The following PRICKLE2 variants were observed in gnomAD, a reference collection of about 807,000 sequenced individuals.
PRICKLE2 encodes prickle-like protein 2.
Under a neutral mutation model 81.4 loss-of-function variants are expected in PRICKLE2, and 21 were observed. The ratio of observed to expected loss-of-function variants is 0.26; its 90% confidence interval spans 0.18 to 0.37. The LOEUF (loss-of-function observed/expected upper bound fraction) is 0.37. Among genes scored for constraint, PRICKLE2 ranks in the 10% least tolerant of loss-of-function variants. PRICKLE2 has a pLI of 1.00. For synonymous variants in PRICKLE2, 456 were observed against 421.5 expected (o/e 1.08, Z -1.00); for missense variants, 940 against 1,109.0 (o/e 0.85, Z 2.16).
At chr3:64,264,001 C>T (rs1425348977) in intron 2 of PRICKLE2, among the ~76,000 whole-genome samples, 1 of 152,122 alleles carries the variant, frequency 6.6e-6, no homozygotes, top group Non-Finnish European at 1.5e-5. Flanking sequence ...GGCGGCAGGG[C>T]AGTGGGAAGG....
intron 1 of PRICKLE2, among the ~76,000 whole-genome samples, chr3:64,209,949 A>G (rs2078758565): frequency 6.6e-6 from 1 of 152,174 alleles, no homozygotes; most frequent in Admixed American, 6.5e-5. Flanking sequence ...TCAGAGTACG[A>G]GTTTTCCCGG....
chr3:64,180,664 C>T (rs1047848383), intron 2 of PRICKLE2, among the ~76,000 whole-genome samples: 1 of 152,132 alleles, frequency 6.6e-6, no homozygotes, highest in Non-Finnish European at 1.5e-5. Flanking sequence ...TCCTGAGTAG[C>T]TGGGATTACA....
At chr3:64,264,539 T>C (rs2079668801) in intron 2 of PRICKLE2, among the ~76,000 whole-genome samples, 1 of 152,206 alleles carries the variant, frequency 6.6e-6, no homozygotes, top group African/African-American at 2.4e-5. Flanking sequence ...ATTTATAATA[T>C]GGCAAGATGA....
intron 2 of PRICKLE2, among the ~76,000 whole-genome samples, chr3:64,233,916 TA>T (rs2079142306): frequency 6.6e-6 from 1 of 152,208 alleles, no homozygotes; most frequent in African/African-American, 2.4e-5. Context: ...CATTTTATAT[TA>T]GTGAAAACAT....
intron 2 of PRICKLE2, among the ~76,000 whole-genome samples, chr3:64,170,547 T>C (rs2077911103): frequency 6.6e-6 from 1 of 151,958 alleles, no homozygotes; most frequent in African/African-American, 2.4e-5. Context: ...TAAACCAGGG[T>C]GTGTCACTGC....
At chr3:64,239,877 G>A (rs948244088) in intron 2 of PRICKLE2, among the ~76,000 whole-genome samples, 3 of 148,658 alleles carry the variant, frequency 2.0e-5, no homozygotes, top group African/African-American at 7.6e-5. Flanking sequence ...TACATTGGGA[G>A]GCCAAGGCAG....
At position 64,099,144 on chromosome 3, in the gene PRICKLE2, G is replaced by A. The variant is rs150187401; in HGVS notation, c.2442C>T (p.Ser814=). The A allele has an allele frequency of 2.5e-6, 4 of 1,614,098 alleles. No individual in the cohort carries two copies. The highest frequency in any genetic ancestry group is 3.4e-6 in the Non-Finnish European group (4 of 1,180,036). The change falls in exon 8 of 8, where the codon AGC becomes AGT. Residue 814 remains serine (S), a synonymous_variant. Transcript: ENST00000638394. The surrounding 1 kb of genome is among the most constrained non-coding windows in gnomAD (Gnocchi z 4.3). ...TGGAAGATTTGGGGAGGCCGTAGGA[G>A]CTGTATTTGTGCAGCAGCTCATCGC... The part of the protein sequence containing the change: ...VTSDELLHKY[S]SYGLPKSSTL...
At chr3:64,239,109 A>G (rs1035833967) in intron 2 of PRICKLE2, among the ~76,000 whole-genome samples, 2 of 152,020 alleles carry the variant, frequency 1.3e-5, no homozygotes, top group South Asian at 4.2e-4. Context: ...ATTATTTAGC[A>G]CCCTCCTCTG....
rs1279546838 is a variant in PRICKLE2 at position 64,095,382 on chromosome 3, A to G, written c.*3669T>C. The G allele has an allele frequency of 6.6e-6, 1 of 152,234 alleles. No individual in the cohort carries two copies. The highest frequency in any genetic ancestry group is 1.5e-5 in the Non-Finnish European group (1 of 68,034). The allele number at this position is 152,234 out of a possible 1,614,324, so 9.4% of individuals were successfully genotyped here. On this transcript the variant is annotated 3_prime_UTR_variant, in exon 8 of 8. Coordinates refer to ENST00000638394, the MANE Select transcript of PRICKLE2 (RefSeq NM_198859.4). Reference sequence around the variant, plus strand: ...GAGAACCAAGAGTGGAAAGACAGATATGAATCAGTTCACAAATAAGATTGG... The same window carrying G: ...GAGAACCAAGAGTGGAAAGACAGATGTGAATCAGTTCACAAATAAGATTGG...
chr3:64,209,657 GAGC>G (rs2078754634), intron 1 of PRICKLE2, among the ~76,000 whole-genome samples: 1 of 152,184 alleles, frequency 6.6e-6, no homozygotes, highest in Admixed American at 6.5e-5. Context: ...AACATTGACT[GAGC>G]AGCTACTGTG....
chr3:64,262,106 C>T (rs2079623397), intron 2 of PRICKLE2, among the ~76,000 whole-genome samples: 3 of 152,114 alleles, frequency 2.0e-5, no homozygotes, highest in Admixed American at 2.0e-4. Flanking sequence ...TGCCTATATC[C>T]ATGTAACGCA....
intron 2 of PRICKLE2, among the ~76,000 whole-genome samples, chr3:64,261,811 T>A (rs1162820704): frequency 6.6e-6 from 1 of 152,082 alleles, no homozygotes; most frequent in African/African-American, 2.4e-5. Context: ...TGGGAGAGTC[T>A]CACAGGTCAC....
chr3:64,129,174 C>G (rs568340196), intron 7 of PRICKLE2, among the ~76,000 whole-genome samples: 1 of 151,798 alleles, frequency 6.6e-6, no homozygotes, highest in African/African-American at 2.4e-5. Context: ...ATACAAGACT[C>G]AAGTGTTGTA....
At chr3:64,246,241 C>CA (rs1318493285) in intron 2 of PRICKLE2, among the ~76,000 whole-genome samples, 1 of 151,886 alleles carries the variant, frequency 6.6e-6, no homozygotes, top group Non-Finnish European at 1.5e-5. Context: ...GACTCCATCT[C>CA]AAAAAAACAA....
At chr3:64,112,606 G>A (rs1272789559) in intron 7 of PRICKLE2, among the ~76,000 whole-genome samples, 1 of 152,218 alleles carries the variant, frequency 6.6e-6, no homozygotes, top group East Asian at 1.9e-4. Context: ...CAAATGTGAT[G>A]TAGTTACAGG....
At chr3:64,193,648 C>T (rs1008399270) in intron 2 of PRICKLE2, among the ~76,000 whole-genome samples, 3 of 152,190 alleles carry the variant, frequency 2.0e-5, no homozygotes, top group Non-Finnish European at 4.4e-5. Flanking sequence ...GCTGTGTCCC[C>T]ACCCAAATCT....
chr3:64,121,014 C>T (rs1184667057), intron 7 of PRICKLE2, among the ~76,000 whole-genome samples: 1 of 152,160 alleles, frequency 6.6e-6, no homozygotes, highest in Admixed American at 6.5e-5. Flanking sequence ...CTCTTGGTCT[C>T]CAATCTCTGT....
intron 7 of PRICKLE2, among the ~76,000 whole-genome samples, chr3:64,114,352 G>T (rs1244734211): frequency 2.0e-5 from 3 of 152,152 alleles, no homozygotes; most frequent in Non-Finnish European, 4.4e-5. Flanking sequence ...TTCCAGCAAG[G>T]AATCATAACT....
chr3:64,209,449 T>A (rs1417821502), intron 1 of PRICKLE2, among the ~76,000 whole-genome samples: 1 of 152,090 alleles, frequency 6.6e-6, no homozygotes, highest in African/African-American at 2.4e-5. Flanking sequence ...TATCTATCAA[T>A]CCATCTACCC....
Sources: gnomAD v4.1 joint callset for allele counts (sites outside exome capture counted in the v4.1 genomes callset) on GRCh38, gnomAD v4.1.1 for gene constraint, Gnocchi (gnomAD v3.1) non-coding constraint, MANE v1.5 for transcripts, NCBI Gene and HGNC (gene_info 2026-07-23, HGNC 2026-07-21) for gene names.